Variants in SAMD5 observed in about 807,000 individuals in gnomAD.
SAMD5 encodes sterile alpha motif domain containing 5, also known as sterile alpha motif domain-containing protein 5.
SAMD5 carries 13 observed loss-of-function variants against 11.3 expected under a neutral mutation model. That is an observed-to-expected ratio of 1.15 (90% CI 0.75 to 1.83). The LOEUF (loss-of-function observed/expected upper bound fraction) is 1.83, where lower values mean the gene tolerates loss of function less well. Among genes scored for constraint, SAMD5 ranks in the 40% most tolerant of loss-of-function variants. The pLI is 0.00. For synonymous variants in SAMD5, 129 were observed against 111.3 expected (o/e 1.16, Z -1.00); for missense variants, 255 against 239.1 (o/e 1.07, Z -0.44).
intron 1 of SAMD5, among the ~76,000 whole-genome samples, chr6:147,609,572 C>A (rs953000559): frequency 6.6e-6 from 1 of 152,030 alleles, no homozygotes; most frequent in Non-Finnish European, 1.5e-5. Flanking sequence ...TTCTTTGAGA[C>A]GGAATCTCAC....
chr6:147,570,301 C>T (rs1789117085), downstream of SAMD5, among the ~76,000 whole-genome samples: 1 of 152,010 alleles, frequency 6.6e-6, no homozygotes, highest in Non-Finnish European at 1.5e-5. Flanking sequence ...CATGGTGGCT[C>T]ACCGCGGTGG....
At chr6:147,747,874 G>A in the SAMD5 span, among the ~76,000 whole-genome samples, 3 of 152,044 alleles carry the variant, frequency 2.0e-5, no homozygotes, top group Admixed American at 2.0e-4. Context: ...TTTTCAAATA[G>A]CTATTAAGTT....
intron 1 of SAMD5, among the ~76,000 whole-genome samples, chr6:147,590,748 T>A (rs1053443426): frequency 1.3e-5 from 2 of 152,204 alleles, no homozygotes; most frequent in South Asian, 4.1e-4. Context: ...AGATGAATGA[T>A]TGACTTCTTT....
At chr6:147,547,537 CCAG>C (rs748626053) in intron 1 of SAMD5, among the ~76,000 whole-genome samples, 10 of 152,234 alleles carry the variant, frequency 6.6e-5, no homozygotes, top group Non-Finnish European at 1.5e-4. Context: ...CATCTTCAAA[CCAG>C]CAATGGTGGG....
At chr6:147,671,826 T>C (rs762358646) in intron 1 of SAMD5, among the ~76,000 whole-genome samples, 9 of 151,910 alleles carry the variant, frequency 5.9e-5, no homozygotes, top group Non-Finnish European at 1.0e-4. Flanking sequence ...TGAAAATTAC[T>C]GGAAATTTAT....
At chr6:147,539,612 G>A (rs1472415224) in intron 1 of SAMD5, among the ~76,000 whole-genome samples, 2 of 151,620 alleles carry the variant, frequency 1.3e-5, no homozygotes, top group Non-Finnish European at 2.9e-5. Flanking sequence ...CCAAAATGGG[G>A]CCTGCGGTGC....
the SAMD5 span, among the ~76,000 whole-genome samples, chr6:147,820,888 G>A: frequency 6.6e-6 from 1 of 152,184 alleles, no homozygotes; most frequent in Admixed American, 6.5e-5. Context: ...ATCTGGCAAA[G>A]CATGGACATC....
At chr6:147,821,881 G>A in the SAMD5 span, among the ~76,000 whole-genome samples, 1 of 152,146 alleles carries the variant, frequency 6.6e-6, no homozygotes, top group African/African-American at 2.4e-5. Flanking sequence ...AGAAGAGTCT[G>A]TTCAGGTATT....
At chr6:147,791,722 A>G in the SAMD5 span, among the ~76,000 whole-genome samples, 1 of 152,170 alleles carries the variant, frequency 6.6e-6, no homozygotes, top group African/African-American at 2.4e-5. Flanking sequence ...CCCCAGAATT[A>G]TATTTTTGAG....
At chr6:147,842,970 C>T in the SAMD5 span, among the ~76,000 whole-genome samples, 1 of 152,142 alleles carries the variant, frequency 6.6e-6, no homozygotes. Flanking sequence ...AGTGATTCTC[C>T]CACCTCAGCC....
chr6:147,649,706 G>A lies in SAMD5; in HGVS notation c.163-87611G>A, dbSNP rs1360401732. On this transcript the variant is annotated intron_variant, in intron 1 of 1. Coordinates refer to the SAMD5 transcript ENST00000566741. ...CTCTGGAGGCTGAGGCAAGAGAATC[G>A]CCTGAACCCAGGAGGCAGAGTTTGT... Among the ~76,000 whole-genome samples, 7 of 151,430 alleles carry A rather than the reference G, an allele frequency of 4.6e-5. No individual in the cohort carries two copies. The South Asian group carries it at 8.3e-4, about 18-fold the overall frequency.
rs527651549 is a variant in SAMD5, at chr6:147,522,870, G to C, written c.459+13483G>C. On this transcript the variant is annotated intron_variant, in intron 1 of 1. Coordinates refer to ENST00000367474, the MANE Select transcript of SAMD5 (RefSeq NM_001030060.3). Reference sequence around the variant, plus strand: ...AGCAGCCACATAGTTGTGGGTAAAGGTTTCCTTTTCTGGCTTTTGCAGACA... The same window carrying C: ...AGCAGCCACATAGTTGTGGGTAAAGCTTTCCTTTTCTGGCTTTTGCAGACA... 2.2e-3 allele frequency among the ~76,000 whole-genome samples: 334 copies of C among 152,276 alleles called. 3 individuals carry two copies. Among genetic ancestry groups the C allele is most frequent in the African/African-American group, 7.8e-3 (323 of 41,558 alleles).
intron 1 of SAMD5, among the ~76,000 whole-genome samples, chr6:147,513,749 G>A (rs1583063354): frequency 6.6e-6 from 1 of 152,134 alleles, no homozygotes; most frequent in Non-Finnish European, 1.5e-5. Flanking sequence ...GCAGAGGGTA[G>A]GTGGTAAGCA....
chr6:147,943,384 C>T, the SAMD5 span, among the ~76,000 whole-genome samples: 13 of 152,158 alleles, frequency 8.5e-5, no homozygotes, highest in East Asian at 7.7e-4. Context: ...CAACCTTGCA[C>T]AACTCATTTC....
the SAMD5 span, among the ~76,000 whole-genome samples, chr6:147,777,466 C>T: frequency 6.6e-6 from 1 of 152,104 alleles, no homozygotes; most frequent in South Asian, 2.1e-4. Context: ...TTCTTCCTAC[C>T]TCATTTGCCA....
chr6:147,831,104 A>T, the SAMD5 span, among the ~76,000 whole-genome samples: 1 of 152,252 alleles, frequency 6.6e-6, no homozygotes, highest in Non-Finnish European at 1.5e-5. Flanking sequence ...AAAGTTAAAA[A>T]TATCTAGATC....
At chr6:147,842,957 TCAAG>T in the SAMD5 span, among the ~76,000 whole-genome samples, 5 of 152,182 alleles carry the variant, frequency 3.3e-5, no homozygotes, top group African/African-American at 1.2e-4. Context: ...CCTCCCAGGT[TCAAG>T]TGATTCTCCC....
At chr6:147,788,454 C>G in the SAMD5 span, among the ~76,000 whole-genome samples, 2 of 152,088 alleles carry the variant, frequency 1.3e-5, no homozygotes, top group Non-Finnish European at 2.9e-5. Flanking sequence ...TGCATTTTTT[C>G]CCATGAGGAT....
rs1789079167 is a variant in SAMD5, at chr6:147,568,432, G to A, written c.*3976G>A. On this transcript the variant is annotated 3_prime_UTR_variant, in exon 2 of 2. Coordinates refer to ENST00000367474, the MANE Select transcript of SAMD5 (RefSeq NM_001030060.3). ...ATTCTTACAAGTAATATTTGATTAG[G>A]TATCAAAATAGGTTTAGGCAGGTGG... The A allele has an allele frequency of 1.8e-5, 18 of 984,364 alleles. No homozygotes were observed. Among genetic ancestry groups the A allele is most frequent in the South Asian group, 4.7e-5 (1 of 21,266 alleles). 61.0% of individuals were successfully genotyped at this position (984,364 alleles called of 1,614,324 possible). A position where few individuals can be genotyped will look rare whatever the true frequency, so the allele number is the denominator to read the frequency against.
Sources: allele counts gnomAD v4.1 joint callset (sites outside exome capture counted in the v4.1 genomes callset), GRCh38; gene constraint gnomAD v4.1.1; transcripts MANE v1.5; gene names NCBI Gene and HGNC (gene_info 2026-07-23, HGNC 2026-07-21).